Variants in DMD observed in about 807,000 individuals in gnomAD.
DMD encodes mutant dystrophin.
In DMD, 63 loss-of-function variants were observed where a neutral mutation model predicts 330.1. That is an observed-to-expected ratio of 0.19 (90% confidence interval 0.16 to 0.24). The LOEUF is 0.24. Ranked by LOEUF, DMD falls within the 10% of genes least tolerant of loss-of-function variation. The pLI is 1.00. For synonymous variants in DMD, 1,223 were observed against 959.8 expected (o/e 1.27, Z -5.07); for missense variants, 3,344 against 2,684.1 (o/e 1.25, Z -5.43).
intron 7 of DMD, among the ~76,000 whole-genome samples, chrX:32,777,184 T>C (rs1983577653): frequency 1.0e-5 from 1 of 98,639 alleles, no homozygotes; most frequent in Admixed American, 1.2e-4. Context: ...GTCACTTTGT[T>C]TCGCAGCATT....
At chrX:32,699,346 C>G (rs2063909552) in intron 7 of DMD, 53 bp from the exon 8 acceptor site, 1 of 958,721 alleles carries the variant, frequency 1.0e-6, no homozygotes, top group Non-Finnish European at 1.5e-6. Flanking sequence ...ATTTGAGACT[C>G]TAAAAGGATA....
intron 76 of DMD, among the ~76,000 whole-genome samples, chrX:31,137,027 CT>C (rs763436253): frequency 9.2e-6 from 1 of 108,639 alleles, no homozygotes. Flanking sequence ...TTCTCTTTTT[CT>C]TTTTTTTTGA....
intron 55 of DMD, among the ~76,000 whole-genome samples, chrX:31,590,237 G>A (rs914535739): frequency 2.7e-5 from 3 of 110,963 alleles, no homozygotes; most frequent in Non-Finnish European, 5.7e-5. Flanking sequence ...GAACAATCGA[G>A]TTTATTTTGC....
At chrX:31,136,356 T>A (rs1035743954) in intron 76 of DMD, among the ~76,000 whole-genome samples, 2 of 112,258 alleles carry the variant, frequency 1.8e-5, no homozygotes, top group Admixed American at 9.4e-5. Flanking sequence ...CTATTTTTAG[T>A]TTCATTTTTC....
chrX:31,153,478 TTC>T (rs2037710159), intron 74 of DMD, among the ~76,000 whole-genome samples: 1 of 111,521 alleles, frequency 9.0e-6, no homozygotes, highest in Non-Finnish European at 1.9e-5. Flanking sequence ...TTTTTTTTTT[TTC>T]TTTCACATTT....
chrX:31,940,054 C>T (rs778390043), intron 45 of DMD, among the ~76,000 whole-genome samples: 5 of 111,674 alleles, frequency 4.5e-5, no homozygotes, highest in African/African-American at 6.5e-5. Context: ...CAATCCCTGC[C>T]TCATGGACCT....
At chrX:31,770,601 C>T (rs912998006) in intron 51 of DMD, among the ~76,000 whole-genome samples, 2 of 111,999 alleles carry the variant, frequency 1.8e-5, no homozygotes, top group African/African-American at 6.5e-5. Flanking sequence ...ATTCTCTCTC[C>T]TGGCTTAGTT....
chrX:31,953,435 GGA>G (rs1905329165), intron 45 of DMD, among the ~76,000 whole-genome samples: 1 of 112,121 alleles, frequency 8.9e-6, no homozygotes, highest in African/African-American at 3.2e-5. Flanking sequence ...GACCAAGCTG[GGA>G]GTGGGGACTG....
chrX:33,139,139 T>C (rs147186611), intron 1 of DMD, among the ~76,000 whole-genome samples: 196 of 110,197 alleles, frequency 1.8e-3, no homozygotes, highest in African/African-American at 6.1e-3. Context: ...GGAGACCCCA[T>C]TTCTACAAAA....
chrX:31,649,748 T>C (rs1209825320), intron 54 of DMD, among the ~76,000 whole-genome samples: 2 of 110,842 alleles, frequency 1.8e-5, no homozygotes, highest in Non-Finnish European at 3.8e-5. Context: ...ACTATACATA[T>C]GACTCTCTCC....
chrX:31,448,651 G>A (rs1429176469), intron 59 of DMD, among the ~76,000 whole-genome samples: 2 of 112,151 alleles, frequency 1.8e-5, no homozygotes, highest in East Asian at 5.6e-4. Context: ...GATTGCATTA[G>A]GTTTTTTTTC....
intron 1 of DMD, among the ~76,000 whole-genome samples, chrX:33,073,872 T>TAAATAAAC (rs1382083916): frequency 1.7e-4 from 17 of 102,326 alleles, no homozygotes; most frequent in Non-Finnish European, 2.8e-4. Context: ...AATAAATAAA[T>TAAATAAAC]AAACAGCTAA....
Position 32,724,243 on chromosome X carries a change from C to CT in DMD, c.650-24951dup, listed in dbSNP as rs892177529. Among the ~76,000 whole-genome samples the CT allele has an allele frequency of 1.2e-3, 136 of 111,204 alleles. 1 individual carries two copies. Among genetic ancestry groups the CT allele is most frequent in the African/African-American group, 4.3e-3 (131 of 30,715 alleles). ...ATAATAAACTCTAAATTAAATCAGA[C>CT]TTTTTTGCTGAAACTAAACGAGGTG... is the stretch of plus-strand genomic sequence containing the variant. On this transcript the variant is annotated intron_variant, in intron 7 of 78. Transcript: ENST00000357033.
Position 32,565,702 on chromosome X carries a change from C to A in DMD, c.1992G>T (p.Gln664His). ...TAGCATGATAATTGGTATCACTAAC[C>A]TGTGCTGTACTCTTTTCAAGTTTTT... ...LVQKLEKSTA[Q>H]ISQAVTTTQP... The change falls in exon 16 of 79, where the codon CAG becomes CAT. Residue 664 changes from glutamine (Q) to histidine (H), a missense_variant and splice_region_variant. Coordinates refer to ENST00000357033, the MANE Select transcript of DMD (RefSeq NM_004006.3). The A allele has an allele frequency of 8.3e-7, 1 of 1,210,078 alleles. No individual in the cohort carries two copies. The highest frequency in any genetic ancestry group is 1.1e-6 in the Non-Finnish European group (1 of 894,079).
intron 55 of DMD, among the ~76,000 whole-genome samples, chrX:31,545,680 T>C (rs2074104612): frequency 8.9e-6 from 1 of 111,804 alleles, no homozygotes; most frequent in Non-Finnish European, 1.9e-5. Context: ...CTCTGGACTT[T>C]ACCAGCCACA....
intron 1 of DMD, among the ~76,000 whole-genome samples, chrX:33,125,411 T>C (rs1031663045): frequency 9.0e-6 from 1 of 111,669 alleles, no homozygotes; most frequent in African/African-American, 3.2e-5. Flanking sequence ...GAGAAAATAA[T>C]TGTAATAAAA....
chrX:32,705,433 T>A (rs1046906529), intron 7 of DMD, among the ~76,000 whole-genome samples: 1 of 112,208 alleles, frequency 8.9e-6, no homozygotes, highest in African/African-American at 3.2e-5. Context: ...AAAACAATTT[T>A]ATCTTTTGCA....
intron 52 of DMD, among the ~76,000 whole-genome samples, chrX:31,701,801 G>T (rs1209831054): frequency 1.8e-5 from 2 of 112,354 alleles, no homozygotes; most frequent in East Asian, 2.8e-4. Context: ...TGTTAGAAAT[G>T]CAGAATCTCA....
intron 2 of DMD, among the ~76,000 whole-genome samples, chrX:32,857,782 T>A (rs1449155251): frequency 4.5e-5 from 5 of 111,380 alleles, no homozygotes; most frequent in Non-Finnish European, 9.4e-5. Flanking sequence ...TCATATAGCA[T>A]CCAAGACACA....
Sources: allele counts gnomAD v4.1 joint callset (sites outside exome capture counted in the v4.1 genomes callset), GRCh38; gene constraint gnomAD v4.1.1; transcripts MANE v1.5; gene names NCBI Gene and HGNC (gene_info 2026-07-23, HGNC 2026-07-21).